Variants in BMPR1B observed in about 807,000 individuals in gnomAD.
The protein encoded by BMPR1B is bone morphogenetic protein receptor type-1B.
Under a neutral mutation model 59.1 loss-of-function variants are expected in BMPR1B, and 12 were observed. That is an observed-to-expected ratio of 0.20 (90% CI 0.13 to 0.33). BMPR1B has a LOEUF of 0.33. Among genes scored for constraint, BMPR1B ranks in the 10% least tolerant of loss-of-function variants. The probability of loss-of-function intolerance (pLI) is 1.00; values close to 1 mark genes in which losing one functional copy is unlikely to be tolerated. For synonymous variants in BMPR1B, 237 were observed against 207.3 expected (o/e 1.14, Z -1.23); for missense variants, 550 against 610.9 (o/e 0.90, Z 1.05).
chr4:95,117,710 C>T (rs1732173301), intron 6 of BMPR1B, among the ~76,000 whole-genome samples: 1 of 151,990 alleles, frequency 6.6e-6, no homozygotes, highest in African/African-American at 2.4e-5. Context: ...CACTTGAGCC[C>T]GGAAGTTCGA....
At chr4:94,801,442 C>T (rs1027312398) in intron 1 of BMPR1B, among the ~76,000 whole-genome samples, 14 of 152,140 alleles carry the variant, frequency 9.2e-5, no homozygotes, top group African/African-American at 2.9e-4. Flanking sequence ...GAGAAATCAC[C>T]GTCACTGCAC....
At chr4:94,794,374 C>T (rs1239335589) in intron 1 of BMPR1B, among the ~76,000 whole-genome samples, 14 of 151,402 alleles carry the variant, frequency 9.2e-5, no homozygotes, top group Non-Finnish European at 2.1e-4. Flanking sequence ...TTCCATTGAT[C>T]TATATCTCTG....
chr4:94,788,684 A>T (rs1312617689), intron 1 of BMPR1B, among the ~76,000 whole-genome samples: 1 of 152,180 alleles, frequency 6.6e-6, no homozygotes, highest in Non-Finnish European at 1.5e-5. Flanking sequence ...CACAACCATG[A>T]AGAACTGGAC....
At chr4:95,100,558 A>G (rs952931805) in intron 3 of BMPR1B, among the ~76,000 whole-genome samples, 2 of 152,126 alleles carry the variant, frequency 1.3e-5, no homozygotes, top group Non-Finnish European at 2.9e-5. Flanking sequence ...CACATGGGCT[A>G]TATGGGTTCT....
chr4:94,795,782 A>G (rs1048315041), intron 1 of BMPR1B, among the ~76,000 whole-genome samples: 1 of 152,102 alleles, frequency 6.6e-6, no homozygotes, highest in Non-Finnish European at 1.5e-5. Context: ...GTTTAAAAGA[A>G]GTAAATACAA....
At chr4:95,065,637 A>G (rs914608918) in intron 3 of BMPR1B, among the ~76,000 whole-genome samples, 7 of 152,118 alleles carry the variant, frequency 4.6e-5, no homozygotes, top group African/African-American at 1.2e-4. Flanking sequence ...TCTCTTATCC[A>G]TTTTTAAATA....
chr4:94,954,772 CAA>C (rs753898483), intron 2 of BMPR1B, among the ~76,000 whole-genome samples: 4 of 152,070 alleles, frequency 2.6e-5, no homozygotes, highest in Non-Finnish European at 5.9e-5. Context: ...TTCTGAAGAT[CAA>C]AAGTGTTAAT....
intron 3 of BMPR1B, among the ~76,000 whole-genome samples, chr4:95,020,309 G>T (rs1354173354): frequency 2.6e-5 from 4 of 152,222 alleles, no homozygotes; most frequent in African/African-American, 7.2e-5. Flanking sequence ...ACTGGGCGCA[G>T]TGGCTTACGC....
At chr4:94,938,936 A>C (rs531339884) in intron 2 of BMPR1B, among the ~76,000 whole-genome samples, 4 of 152,150 alleles carry the variant, frequency 2.6e-5, no homozygotes, top group Non-Finnish European at 5.9e-5. Flanking sequence ...ACTTGAGCCC[A>C]GGAGTTCAAG....
At chr4:95,041,401 C>G (rs75756532) in intron 3 of BMPR1B, among the ~76,000 whole-genome samples, 1 of 151,966 alleles carries the variant, frequency 6.6e-6, no homozygotes, top group East Asian at 1.9e-4. Context: ...AGAGTTCCAC[C>G]CGCCATGGGT....
In BMPR1B at chr4:95,093,883, G is replaced by A. The variant is rs376431517; in HGVS notation, c.-17-10525G>A. On this transcript the variant is annotated intron_variant, in intron 3 of 12. Transcript: ENST00000515059. ...TAACCTACTCATTAGTGTTGACCAT[G>A]AGTGGCTGAAATTAAAAACTGGCAA... 4.0e-4 allele frequency among the ~76,000 whole-genome samples: 61 copies of A among 152,174 alleles called. 1 individual carries two copies. Among genetic ancestry groups the A allele is most frequent in the African/African-American group, 1.4e-3 (59 of 41,540 alleles).
At chr4:94,905,083 G>A (rs1727987001) in intron 2 of BMPR1B, among the ~76,000 whole-genome samples, 1 of 152,066 alleles carries the variant, frequency 6.6e-6, no homozygotes, top group Admixed American at 6.6e-5. Context: ...GTCATATTCT[G>A]TTTGTGAATT....
chr4:94,898,421 G>A (rs1471100636), intron 2 of BMPR1B, among the ~76,000 whole-genome samples: 1 of 152,040 alleles, frequency 6.6e-6, no homozygotes, highest in Non-Finnish European at 1.5e-5. Context: ...GCACCTCATG[G>A]GACATGATTA....
chr4:94,932,876 G>A (rs1409089246), intron 2 of BMPR1B, among the ~76,000 whole-genome samples: 1 of 152,120 alleles, frequency 6.6e-6, no homozygotes, highest in Non-Finnish European at 1.5e-5. Context: ...CACTCAGAAA[G>A]TTCTGATTCA....
In BMPR1B at chr4:95,030,314, C is replaced by T. The variant is rs1230844311; in HGVS notation, c.-18+34180C>T. On this transcript the variant is annotated intron_variant, in intron 3 of 12. Coordinates refer to ENST00000515059, the MANE Select transcript of BMPR1B (RefSeq NM_001203.3). ...TTGTATAAGGTGTAAGGAAGGGATCCAGTTTCAGCTTTCTCCATATGGCTA... is the reference window on the plus strand; with the variant it reads ...TTGTATAAGGTGTAAGGAAGGGATCTAGTTTCAGCTTTCTCCATATGGCTA... Among the ~76,000 whole-genome samples, 4 of 152,182 alleles carry T rather than the reference C, an allele frequency of 2.6e-5. No homozygotes were observed. The East Asian group carries it at 5.8e-4, about 22-fold the overall frequency.
intron 1 of BMPR1B, among the ~76,000 whole-genome samples, chr4:94,760,619 A>G (rs1721722396): frequency 6.6e-6 from 1 of 152,040 alleles, no homozygotes; most frequent in Admixed American, 6.5e-5. Context: ...CCCCCTCACC[A>G]CTGCCTCTGC....
At position 94,835,757 on chromosome 4, in the gene BMPR1B, ATTTTT is replaced by A. The variant is rs1015317645; in HGVS notation, c.-182-40072_-182-40068del. 3.3e-5 allele frequency among the ~76,000 whole-genome samples: 5 copies of A among 152,128 alleles called. No homozygotes were observed. The East Asian group carries it at 9.7e-4, about 29-fold the overall frequency. On this transcript the variant is annotated intron_variant, in intron 1 of 12. Coordinates refer to ENST00000515059, the MANE Select transcript of BMPR1B (RefSeq NM_001203.3). The stretch of plus-strand genomic sequence containing the variant: ...AGCCATTTAGGAGTTATCTAAATAA[ATTTTT>A]TCTTTTATTATTATACTTTAAGTTT...
At chr4:95,116,622 T>TC (rs1203410677) in intron 6 of BMPR1B, among the ~76,000 whole-genome samples, 5 of 143,068 alleles carry the variant, frequency 3.5e-5, no homozygotes, top group Admixed American at 1.4e-4. Flanking sequence ...TCTCTCTCTC[T>TC]TTTTTTTTTT....
At chr4:95,136,970 T>C (rs1265972772) in intron 10 of BMPR1B, among the ~76,000 whole-genome samples, 4 of 152,196 alleles carry the variant, frequency 2.6e-5, no homozygotes, top group Non-Finnish European at 5.9e-5. Flanking sequence ...ATGTGTTTGC[T>C]CTTGCTTCTC....
Sources: allele counts gnomAD v4.1 joint callset (sites outside exome capture counted in the v4.1 genomes callset), GRCh38; gene constraint gnomAD v4.1.1; transcripts MANE v1.5; gene names NCBI Gene and HGNC (gene_info 2026-07-23, HGNC 2026-07-21).